Variants in ZNF385D observed in about 807,000 individuals in gnomAD.
ZNF385D encodes zinc finger protein 659.
In ZNF385D, 15 loss-of-function variants were observed where a neutral mutation model predicts 35.8. The ratio of observed to expected loss-of-function variants is 0.42; its 90% confidence interval spans 0.28 to 0.64. ZNF385D has a LOEUF of 0.64. Ranked by LOEUF, ZNF385D falls within the 30% of genes least tolerant of loss-of-function variation. ZNF385D has a pLI of 0.23. For missense variants in ZNF385D, 474 were observed against 494.6 expected (o/e 0.96, Z 0.39); for synonymous variants, 212 against 186.8 (o/e 1.13, Z -1.10).
chr3:22,303,175 T>C (rs1703000889), intron 2 of ZNF385D, among the ~76,000 whole-genome samples: 1 of 152,174 alleles, frequency 6.6e-6, no homozygotes, highest in African/African-American at 2.4e-5. Flanking sequence ...TTGCCTAGAA[T>C]GAAGACAAAA....
intron 3 of ZNF385D, among the ~76,000 whole-genome samples, chr3:22,065,554 G>A (rs540534943): frequency 6.6e-6 from 1 of 152,298 alleles, no homozygotes; most frequent in East Asian, 1.9e-4. Context: ...GAGCTCACTT[G>A]ATGGGATCCT....
chr3:22,145,844 G>A (rs1422841359), intron 3 of ZNF385D, among the ~76,000 whole-genome samples: 1 of 152,112 alleles, frequency 6.6e-6, no homozygotes, highest in African/African-American at 2.4e-5. Context: ...TGATCACTCT[G>A]GCCACTAATC....
At chr3:21,870,932 T>A (rs980340342) in intron 3 of ZNF385D, among the ~76,000 whole-genome samples, 1 of 152,138 alleles carries the variant, frequency 6.6e-6, no homozygotes, top group Non-Finnish European at 1.5e-5. Context: ...AGTTGCACTC[T>A]TGCTCTCCTT....
At chr3:21,769,000 G>C (rs959255456) in intron 3 of ZNF385D, among the ~76,000 whole-genome samples, 1 of 151,662 alleles carries the variant, frequency 6.6e-6, no homozygotes, top group Admixed American at 6.6e-5. Context: ...CAAAAACCGG[G>C]ATTGTTATAA....
chr3:22,176,951 A>G (rs1176607010), intron 2 of ZNF385D, among the ~76,000 whole-genome samples: 1 of 152,226 alleles, frequency 6.6e-6, no homozygotes, highest in African/African-American at 2.4e-5. Context: ...TATTCCTCAA[A>G]GTTTCAAAGA....
At chr3:22,338,270 A>C (rs1695260737) in intron 2 of ZNF385D, among the ~76,000 whole-genome samples, 1 of 152,208 alleles carries the variant, frequency 6.6e-6, no homozygotes, top group Non-Finnish European at 1.5e-5. Context: ...AAACCAAGTA[A>C]TATGTTGACA....
At chr3:21,807,275 A>G (rs1407712070) in intron 3 of ZNF385D, among the ~76,000 whole-genome samples, 1 of 152,168 alleles carries the variant, frequency 6.6e-6, no homozygotes, top group Non-Finnish European at 1.5e-5. Flanking sequence ...CATCTAGAGC[A>G]TATCTCTATT....
At chr3:21,525,520 A>C (rs1336225244) in intron 3 of ZNF385D, among the ~76,000 whole-genome samples, 1 of 151,838 alleles carries the variant, frequency 6.6e-6, no homozygotes, top group Non-Finnish European at 1.5e-5. Flanking sequence ...CCCCGTCTCT[A>C]CTAAAAATAC....
intron 3 of ZNF385D, among the ~76,000 whole-genome samples, chr3:22,069,558 C>G (rs2620558): frequency 0.13 from 19,783 of 152,056 alleles, 1,591 homozygotes; most frequent in Middle Eastern, 0.22. Context: ...CTATTAGAAG[C>G]AAAAGGATGG....
intron 2 of ZNF385D, among the ~76,000 whole-genome samples, chr3:21,583,879 A>AT (rs1442422398): frequency 6.6e-6 from 1 of 150,454 alleles, no homozygotes; most frequent in East Asian, 1.9e-4. Context: ...AAGTTATTCA[A>AT]TTTTTTTCTT....
chr3:21,708,951 T>A (rs2125407149), intron 1 of ZNF385D, among the ~76,000 whole-genome samples: 1 of 152,244 alleles, frequency 6.6e-6, no homozygotes, highest in East Asian at 1.9e-4. Flanking sequence ...TAAGGCAGTT[T>A]CTCCTTAAAG....
intron 3 of ZNF385D, among the ~76,000 whole-genome samples, chr3:22,163,968 G>C (rs779521721): frequency 2.0e-5 from 3 of 152,198 alleles, no homozygotes; most frequent in Non-Finnish European, 4.4e-5. Context: ...CTAGGTTTCT[G>C]TGTAGGTAAA....
At chr3:21,625,713 T>C (rs1173323340) in intron 2 of ZNF385D, among the ~76,000 whole-genome samples, 1 of 152,096 alleles carries the variant, frequency 6.6e-6, no homozygotes, top group African/African-American at 2.4e-5. Context: ...TTCAAGATCA[T>C]GGACTCCAGT....
intron 3 of ZNF385D, among the ~76,000 whole-genome samples, chr3:22,059,006 C>G (rs747369325): frequency 6.6e-6 from 1 of 152,164 alleles, no homozygotes; most frequent in African/African-American, 2.4e-5. Flanking sequence ...CCCTAAACCT[C>G]CTACTAGGTC....
intron 3 of ZNF385D, among the ~76,000 whole-genome samples, chr3:21,910,082 T>G (rs541053229): frequency 1.7e-5 from 2 of 116,258 alleles, no homozygotes; most frequent in East Asian, 2.6e-4. Context: ...AAACATATAT[T>G]TTACACACAC....
At chr3:22,228,720 G>A (rs1000750739) in intron 2 of ZNF385D, among the ~76,000 whole-genome samples, 1 of 152,170 alleles carries the variant, frequency 6.6e-6, no homozygotes, top group Admixed American at 6.5e-5. Context: ...GACTGGGAGT[G>A]GCAGACCCAC....
At chr3:21,887,982 C>A (rs2673537) in intron 3 of ZNF385D, among the ~76,000 whole-genome samples, 47,306 of 151,948 alleles carry the variant, frequency 0.31, 7,537 homozygotes, top group Admixed American at 0.42. Context: ...ACTAAAAATA[C>A]ATCACAATGA....
chr3:21,572,374 A>T (rs1195779670), intron 2 of ZNF385D, among the ~76,000 whole-genome samples: 4 of 152,138 alleles, frequency 2.6e-5, no homozygotes, highest in African/African-American at 9.7e-5. Context: ...AGAAACTTTC[A>T]CTTCAGTTTT....
rs140110683 is a variant in ZNF385D at position 21,593,353 on chromosome 3, T to A, written c.166-28669A>T. Among the ~76,000 whole-genome samples, 3 of 152,274 alleles carry A rather than the reference T, an allele frequency of 2.0e-5. No homozygotes were observed. In the East Asian group the frequency reaches 5.8e-4, roughly 29 times the overall value. On this transcript the variant is annotated intron_variant, in intron 2 of 7. Coordinates refer to ENST00000281523, the MANE Select transcript of ZNF385D (RefSeq NM_024697.3). Reference sequence around the variant, plus strand: ...ATTGCCTCACTTCCTAGACAAATCTTTTTTTCTTTCCGTCTTTACCCTTGA... The same window carrying A: ...ATTGCCTCACTTCCTAGACAAATCTATTTTTCTTTCCGTCTTTACCCTTGA...
Sources: gnomAD v4.1 joint callset for allele counts (sites outside exome capture counted in the v4.1 genomes callset) on GRCh38, gnomAD v4.1.1 for gene constraint, MANE v1.5 for transcripts, NCBI Gene and HGNC (gene_info 2026-07-23, HGNC 2026-07-21) for gene names.